Variants in ARHGAP21 observed in about 807,000 individuals in gnomAD.
The protein encoded by ARHGAP21 is Rho GTPase activating protein 21.
A neutral mutation model predicts 164.6 loss-of-function variants in ARHGAP21; 38 were observed. The observed-to-expected ratio is 0.23, with a 90% CI of 0.18 to 0.30. The LOEUF is 0.30. Among genes scored for constraint, ARHGAP21 ranks in the 10% least tolerant of loss-of-function variants. The pLI, the probability that ARHGAP21 is intolerant of heterozygous loss-of-function variation, is 1.00. For synonymous variants in ARHGAP21, 766 were observed against 857.9 expected (o/e 0.89, Z 1.87); for missense variants, 1,822 against 2,370.7 (o/e 0.77, Z 4.81).
chr10:24,600,939 C>CT lies in ARHGAP21; in HGVS notation c.2848-10_2848-9insA. ...ATACTTCCACCAACTCGCTAGAAAA[C>CT]ATGCGACAGTTCTTTAATAGTCAAT... is the stretch of plus-strand genomic sequence containing the variant. On this transcript the variant is annotated splice_polypyrimidine_tract_variant and intron_variant, in intron 13 of 25. Coordinates refer to ENST00000396432, the MANE Select transcript of ARHGAP21 (RefSeq NM_020824.4). 1 of 1,607,476 alleles carries CT rather than the reference C, an allele frequency of 6.2e-7. No individual in the cohort carries two copies. Among genetic ancestry groups the CT allele is most frequent in the Non-Finnish European group, 8.5e-7 (1 of 1,175,126 alleles).
rs72784298 is a variant in ARHGAP21 at position 24,707,044 on chromosome 10, G to A, written c.63+14793C>T. 9.3e-3 allele frequency among the ~76,000 whole-genome samples: 1,422 copies of A among 152,220 alleles called. 13 individuals carry two copies. Among genetic ancestry groups the A allele is most frequent in the Middle Eastern group, 0.027 (8 of 294 alleles). ...TCCCAAGGGTACCAAAGGGTACTCC[G>A]TCCTTTCTTAACCTCTCAGTAGCGC... On this transcript the variant is annotated intron_variant, in intron 2 of 25. Transcript: ENST00000396432.
intron 7 of ARHGAP21, among the ~76,000 whole-genome samples, chr10:24,626,529 A>C (rs1835157784): frequency 6.6e-6 from 1 of 152,140 alleles, no homozygotes; most frequent in African/African-American, 2.4e-5. Context: ...CGAGACACCA[A>C]ATCTACCTGA....
chr10:24,589,257 A>T lies in ARHGAP21; in HGVS notation c.4182+14T>A, dbSNP rs2076234992. 2.5e-6 allele frequency: 4 copies of T among 1,596,128 alleles called. No homozygotes were observed. In the East Asian group the frequency reaches 8.9e-5, roughly 36 times the overall value. Reference sequence around the variant, plus strand: ...TCCCCCCTAAAATATTTCAAATTGTATGAAACAATTTACCTTAGATTTTGT... The same window carrying T: ...TCCCCCCTAAAATATTTCAAATTGTTTGAAACAATTTACCTTAGATTTTGT... On this transcript the variant is annotated intron_variant, in intron 25 of 25. Coordinates refer to ENST00000396432, the MANE Select transcript of ARHGAP21 (RefSeq NM_020824.4).
chr10:24,588,574 T>C (rs1346567318), intron 25 of ARHGAP21, among the ~76,000 whole-genome samples: 4 of 152,226 alleles, frequency 2.6e-5, no homozygotes, highest in Non-Finnish European at 5.9e-5. Flanking sequence ...GTAAAATTCA[T>C]GTCTCATTAC....
chr10:24,633,714 T>C (rs112761110), intron 5 of ARHGAP21, among the ~76,000 whole-genome samples: 84 of 152,160 alleles, frequency 5.5e-4, no homozygotes, highest in African/African-American at 1.9e-3. Flanking sequence ...TATATCCAGC[T>C]TTTTGTGAAA....
chr10:24,646,140 G>C (rs978584040), intron 4 of ARHGAP21, among the ~76,000 whole-genome samples: 2 of 152,032 alleles, frequency 1.3e-5, no homozygotes. Context: ...TGTTTTTATA[G>C]CAAAGATGAA....
chr10:24,645,101 T>G (rs910795729), intron 4 of ARHGAP21, among the ~76,000 whole-genome samples: 2 of 152,208 alleles, frequency 1.3e-5, no homozygotes, highest in African/African-American at 4.8e-5. Flanking sequence ...AAGGCATCTT[T>G]AACTGGAAAC....
Position 24,625,075 on chromosome 10 carries a change from G to A in ARHGAP21, c.496-2313C>T, listed in dbSNP as rs1273500276. On this transcript the variant is annotated intron_variant, in intron 7 of 25. Transcript: ENST00000396432. ...TGGGGGGGGGGGGGGAGGAGGAGGAGGAAGAAAATAAGAAAGATGACCCAA... is the reference window on the plus strand; with the variant it reads ...TGGGGGGGGGGGGGGAGGAGGAGGAAGAAGAAAATAAGAAAGATGACCCAA... 3.8e-4 allele frequency among the ~76,000 whole-genome samples: 33 copies of A among 87,340 alleles called. 1 individual carries two copies. The highest frequency in any genetic ancestry group is 1.1e-3 in the African/African-American group (27 of 24,298). The allele number at this position is 87,340 out of a possible 152,430, so 57.3% of individuals were successfully genotyped here.
At chr10:24,601,952 T>A (rs1355323525) in intron 13 of ARHGAP21, 26 bp downstream of exon 13, 1 of 1,518,442 alleles carries the variant, frequency 6.6e-7, no homozygotes, top group East Asian at 2.4e-5. Flanking sequence ...TTTCTGACAC[T>A]CAGGGTGGCT....
rs2076314092 is a variant in ARHGAP21, at chr10:24,591,174, T to C, written c.4150+51A>G. 6 of 1,406,594 alleles carry C rather than the reference T, an allele frequency of 4.3e-6. No homozygotes were observed. In the East Asian group the frequency reaches 1.4e-4, roughly 32 times the overall value. The allele number at this position is 1,406,594 out of a possible 1,614,324, so 87.1% of individuals were successfully genotyped here. A position where few individuals can be genotyped will look rare whatever the true frequency, so the allele number is the denominator to read the frequency against. On this transcript the variant is annotated intron_variant, in intron 24 of 25. Coordinates refer to ENST00000396432, the MANE Select transcript of ARHGAP21 (RefSeq NM_020824.4). Reference sequence around the variant, plus strand: ...ATGATTGATTTGCTCTTTCATATTGTAAGAATGTAGCTTTCAGCCTAGAGG... The same window carrying C: ...ATGATTGATTTGCTCTTTCATATTGCAAGAATGTAGCTTTCAGCCTAGAGG...
At chr10:24,638,913 T>C (rs931140491) in intron 4 of ARHGAP21, among the ~76,000 whole-genome samples, 2 of 152,146 alleles carry the variant, frequency 1.3e-5, no homozygotes, top group Non-Finnish European at 2.9e-5. Flanking sequence ...AAAAAGCACA[T>C]GTAAATTTAC....
At chr10:24,648,936 A>G in intron 4 of ARHGAP21, 1 of 837,706 alleles carries the variant, frequency 1.2e-6, no homozygotes, top group Non-Finnish European at 1.4e-6. Flanking sequence ...CCACCTGTCC[A>G]CTAGAGAAAA....
In ARHGAP21 at chr10:24,585,660, G is replaced by A; in HGVS notation, c.4629C>T (p.Gly1543=). 6.2e-7 allele frequency: 1 copy of A among 1,614,148 alleles called. No homozygotes were observed. Among genetic ancestry groups the A allele is most frequent in the Non-Finnish European group, 8.5e-7 (1 of 1,179,998 alleles). The stretch of plus-strand genomic sequence containing the variant: ...TGCTGAGCAAAGTGCCAGAGTCAGA[G>A]CCTGTCTCTTCAAGGTGGGAGGACT... The part of the protein sequence containing the change: ...AQKSSHLEET[G]SDSGTLLSTS... Residue 1543 remains glycine, a synonymous_variant, in exon 26 of 26, where the codon GGC becomes GGT. Transcript: ENST00000396432.
chr10:24,722,000 G>A lies in ARHGAP21; in HGVS notation c.-101C>T. The A allele has an allele frequency of 7.7e-7, 1 of 1,303,838 alleles. No homozygotes were observed. The highest frequency in any genetic ancestry group is 1.1e-6 in the Non-Finnish European group (1 of 914,180). 80.8% of individuals were successfully genotyped at this position (1,303,838 alleles called of 1,614,324 possible). A position where few individuals can be genotyped will look rare whatever the true frequency, so the allele number is the denominator to read the frequency against. The stretch of plus-strand genomic sequence containing the variant: ...CCGAAGGGGAAGAATTCCACAAGCA[G>A]GCTCCGAGGAGGGGCAGGGCTGTTG... On this transcript the variant is annotated 5_prime_UTR_variant, in exon 2 of 26. Transcript: ENST00000396432.
intron 7 of ARHGAP21, among the ~76,000 whole-genome samples, chr10:24,626,401 G>A (rs1419873345): frequency 6.6e-6 from 1 of 152,118 alleles, no homozygotes; most frequent in Non-Finnish European, 1.5e-5. Flanking sequence ...GGTCATGAGG[G>A]TAGACCTCAT....
At chr10:24,634,258 G>A (rs1421795692) in intron 5 of ARHGAP21, among the ~76,000 whole-genome samples, 1 of 151,878 alleles carries the variant, frequency 6.6e-6, no homozygotes, top group Non-Finnish European at 1.5e-5. Flanking sequence ...ACTAAGGTGG[G>A]TAATACATTA....
rs1405992418 is a variant in ARHGAP21 at position 24,633,462 on chromosome 10, A to G, written c.380T>C (p.Val127Ala). ...GLCTGDRIIK[V>A]NGESVIGKTY... is the part of the protein sequence containing the mutation. ...TTTGCCAATAACACTTTCTCCATTG[A>G]CTTTTATAATTCGGTCACCTTCAAA... is the stretch of plus-strand genomic sequence containing the variant. The change falls in exon 6 of 26, where the codon GTC (valine) becomes GCC (alanine). Residue 127 changes from valine to alanine, a missense_variant. By Grantham distance (64) the Val-to-Ala change is moderately conservative. This residue lies in a region of ARHGAP21 where 1,090 missense variants were observed against 1,378.9 expected (regional missense o/e 0.79). Coordinates refer to ENST00000396432, the MANE Select transcript of ARHGAP21 (RefSeq NM_020824.4). The G allele has an allele frequency of 1.2e-6, 2 of 1,611,190 alleles. No homozygotes were observed. The highest frequency in any genetic ancestry group is 1.7e-5 in the Admixed American group (1 of 59,902).
intron 11 of ARHGAP21, 149 bp from the exon 12 acceptor site, chr10:24,604,497 GA>G (rs879900302): frequency 1.3e-3 from 598 of 460,210 alleles, no homozygotes; most frequent in Non-Finnish European, 1.9e-3. Flanking sequence ...CAATGGAAGA[GA>G]AAAAAAGCTA....
rs1052727240 is a variant in ARHGAP21, at chr10:24,629,894, T to C, written c.495+102A>G. 3.4e-6 allele frequency: 3 copies of C among 875,140 alleles called. No homozygotes were observed. In the South Asian group the frequency reaches 4.3e-5, roughly 13 times the overall value. 54.2% of individuals were successfully genotyped at this position (875,140 alleles called of 1,614,324 possible). A position where few individuals can be genotyped will look rare whatever the true frequency, so the allele number is the denominator to read the frequency against. ...AAGGAACCAGAGGGTTTTTAAATTCTAGAATTTTTTTTAAATTCCATCTTT... is the reference window on the plus strand; with the variant it reads ...AAGGAACCAGAGGGTTTTTAAATTCCAGAATTTTTTTTAAATTCCATCTTT... On this transcript the variant is annotated intron_variant, in intron 7 of 25. Transcript: ENST00000396432.
Sources: allele counts gnomAD v4.1 joint callset (sites outside exome capture counted in the v4.1 genomes callset), GRCh38; gene constraint gnomAD v4.1.1; regional missense constraint gnomAD v4.1.1; transcripts MANE v1.5; gene names NCBI Gene and HGNC (gene_info 2026-07-23, HGNC 2026-07-21).